ZC3H3: variants seen among roughly 807,000 people sequenced by gnomAD.
ZC3H3 encodes the protein zinc finger CCCH-type containing 3, also known as zinc finger CCCH domain-containing protein 3.
Under a neutral mutation model 77.3 loss-of-function variants are expected in ZC3H3, and 36 were observed. The observed-to-expected ratio is 0.47, with a 90% CI of 0.36 to 0.61. The LOEUF is 0.61. Ranked by LOEUF, ZC3H3 falls within the 20% of genes least tolerant of loss-of-function variation. The pLI is 0.00. For missense variants in ZC3H3, 1,331 were observed against 1,312.2 expected (o/e 1.01, Z -0.22); for synonymous variants, 626 against 555.2 (o/e 1.13, Z -1.79).
At position 143,495,667 on chromosome 8, in the gene ZC3H3, G is replaced by A. The variant is rs116723371; in HGVS notation, c.1715+12079C>T. 7.0e-3 allele frequency among the ~76,000 whole-genome samples: 1,059 copies of A among 152,102 alleles called. 14 individuals carry two copies. The highest frequency in any genetic ancestry group is 0.021 in the African/African-American group (882 of 41,476). On this transcript the variant is annotated intron_variant, in intron 4 of 11. Coordinates refer to ENST00000262577, the MANE Select transcript of ZC3H3 (RefSeq NM_015117.3). ...GTCAGTCAGGGCTCATTGTAACCTC[G>A]ACCTCCTGGGCTCAAGCGATCCTCC...
intron 4 of ZC3H3, among the ~76,000 whole-genome samples, chr8:143,483,144 C>T (rs891957336): frequency 2.6e-5 from 4 of 152,184 alleles, no homozygotes; most frequent in East Asian, 1.9e-4. Context: ...GAGGAGCGGC[C>T]GGGGGGAGGC....
chr8:143,538,083 C>G lies in ZC3H3; in HGVS notation c.1284G>C (p.Lys428Asn), dbSNP rs145387276. ...AGAGCGGGGTCTCCCCAGAGAGGGG[C>G]TTCAAGCCACTGTGTCCTACTGCTG... ...DRPAVGHSGL[K>N]PLSGETPLSA... is the part of the protein sequence containing the mutation. The change falls in exon 2 of 12, where the codon AAG becomes AAC. Residue 428 changes from lysine to asparagine, a missense_variant. Physicochemically the swap from Lys to Asn is moderately conservative, Grantham distance 94 (BLOSUM62 0). Transcript: ENST00000262577. 49 of 1,612,972 alleles carry G rather than the reference C, an allele frequency of 3.0e-5. No homozygotes were observed. The African/African-American group carries it at 4.8e-4, about 16-fold the overall frequency.
chr8:143,499,270 G>C (rs1218630923), intron 4 of ZC3H3, among the ~76,000 whole-genome samples: 1 of 152,114 alleles, frequency 6.6e-6, no homozygotes, highest in African/African-American at 2.4e-5. Flanking sequence ...ACAGAGGGAT[G>C]AGGGGGCCTG....
chr8:143,512,510 C>T (rs1013744385), intron 3 of ZC3H3, among the ~76,000 whole-genome samples: 14 of 152,218 alleles, frequency 9.2e-5, no homozygotes, highest in African/African-American at 1.7e-4. Context: ...GCCCTGAGCA[C>T]GAGGCAGGAG....
At chr8:143,464,660 T>C (rs1052655968) in intron 9 of ZC3H3, among the ~76,000 whole-genome samples, 2 of 151,978 alleles carry the variant, frequency 1.3e-5, no homozygotes, top group Non-Finnish European at 2.9e-5. Flanking sequence ...TGAGAAAGGG[T>C]TCCTGGGGTG....
chr8:143,519,749 C>G (rs766662298), intron 3 of ZC3H3, among the ~76,000 whole-genome samples: 3 of 152,196 alleles, frequency 2.0e-5, no homozygotes, highest in South Asian at 2.1e-4. Context: ...GGGACAACAG[C>G]CTGACCAGAC....
In ZC3H3 at chr8:143,533,060, C is replaced by A. The variant is rs1822671952; in HGVS notation, c.1561+3197G>T. ...CCCGACTCTGCCCACTCGGGCCTGC[C>A]AGACACCCCGGGGCCCTGGACACGC... On this transcript the variant is annotated intron_variant, in intron 3 of 11. Coordinates refer to ENST00000262577, the MANE Select transcript of ZC3H3 (RefSeq NM_015117.3). The surrounding 1 kb of genome is among the most constrained non-coding windows in gnomAD (Gnocchi z 4.0). Among the ~76,000 whole-genome samples, 1 of 152,192 alleles carries A rather than the reference C, an allele frequency of 6.6e-6. No homozygotes were observed. The highest frequency in any genetic ancestry group is 1.5e-5 in the Non-Finnish European group (1 of 68,018).
In ZC3H3 at chr8:143,440,953, C is replaced by G. The variant is rs138077825; in HGVS notation, c.2475G>C (p.Ser825=). The G allele has an allele frequency of 2.6e-5, 38 of 1,436,818 alleles. No individual in the cohort carries two copies. The highest frequency in any genetic ancestry group is 3.3e-5 in the Non-Finnish European group (36 of 1,100,434). 89.0% of individuals were successfully genotyped at this position (1,436,818 alleles called of 1,614,324 possible). Residue 825 remains serine (S), a synonymous_variant, in exon 10 of 12, where the codon TCG becomes TCC. Coordinates refer to ENST00000262577, the MANE Select transcript of ZC3H3 (RefSeq NM_015117.3). ...CCCATCACCTGGGCCCGTGGCTGGC[C>G]GAGACCCTGCTCCTGGCGGTTGCGT... ...PSDATARSRV[S]ASHGPRKPSA... is the part of the protein sequence containing the mutation.
At chr8:143,473,352 C>T (rs902323990) in intron 5 of ZC3H3, among the ~76,000 whole-genome samples, 1 of 152,206 alleles carries the variant, frequency 6.6e-6, no homozygotes, top group African/African-American at 2.4e-5. Context: ...ATGAGAAAGG[C>T]CTCCCTGACC....
In ZC3H3 at chr8:143,484,052, G is replaced by A. The variant is rs1485087924; in HGVS notation, c.1716-8467C>T. On this transcript the variant is annotated intron_variant, in intron 4 of 11. Coordinates refer to ENST00000262577, the MANE Select transcript of ZC3H3 (RefSeq NM_015117.3). Reference sequence around the variant, plus strand: ...CTGCACCAGCGGCCAGGGGCGCCATGAGGGGAAAGAGCCATGCAGCCTTAG... The same window carrying A: ...CTGCACCAGCGGCCAGGGGCGCCATAAGGGGAAAGAGCCATGCAGCCTTAG... 4.6e-5 allele frequency among the ~76,000 whole-genome samples: 7 copies of A among 152,256 alleles called. No homozygotes were observed. In the South Asian group the frequency reaches 1.0e-3, roughly 22 times the overall value.
chr8:143,534,064 A>C (rs1822709726), intron 3 of ZC3H3, among the ~76,000 whole-genome samples: 1 of 151,954 alleles, frequency 6.6e-6, no homozygotes, highest in Non-Finnish European at 1.5e-5. Flanking sequence ...CAGGAGGATC[A>C]CTTGAGCCCA....
chr8:143,521,265 G>C (rs926545003), intron 3 of ZC3H3, among the ~76,000 whole-genome samples: 1 of 152,222 alleles, frequency 6.6e-6, no homozygotes, highest in African/African-American at 2.4e-5. Context: ...CAGGGCTACC[G>C]AGCACACCAA....
intron 9 of ZC3H3, among the ~76,000 whole-genome samples, chr8:143,447,161 C>A (rs1819881155): frequency 6.6e-6 from 1 of 152,236 alleles, no homozygotes; most frequent in Non-Finnish European, 1.5e-5. Flanking sequence ...CTGAGGGGCC[C>A]CTGCCCTACC....
At chr8:143,489,478 C>T (rs1475382806) in intron 4 of ZC3H3, among the ~76,000 whole-genome samples, 5 of 152,116 alleles carry the variant, frequency 3.3e-5, no homozygotes, top group Non-Finnish European at 7.4e-5. Flanking sequence ...CACCGCCTGG[C>T]CCCGCCCACC....
chr8:143,461,570 G>A (rs1039311969), intron 9 of ZC3H3, among the ~76,000 whole-genome samples: 1 of 152,164 alleles, frequency 6.6e-6, no homozygotes, highest in East Asian at 1.9e-4. Context: ...ATTCGAGGCA[G>A]TATTATTCAC....
At chr8:143,490,132 T>G (rs1586917920) in intron 4 of ZC3H3, among the ~76,000 whole-genome samples, 2 of 150,304 alleles carry the variant, frequency 1.3e-5, no homozygotes, top group African/African-American at 2.5e-5. Context: ...GCGGCGGGGG[T>G]GAAGGGGGCC....
chr8:143,535,609 G>A (rs1017628638), intron 3 of ZC3H3, among the ~76,000 whole-genome samples: 19 of 152,188 alleles, frequency 1.2e-4, no homozygotes, highest in East Asian at 7.7e-4. Context: ...CCTGGAGGCC[G>A]CTCCCCCAGT....
chr8:143,464,289 T>A (rs1398054010), intron 9 of ZC3H3, among the ~76,000 whole-genome samples: 1 of 152,354 alleles, frequency 6.6e-6, no homozygotes, highest in South Asian at 2.1e-4. Flanking sequence ...AATCGAAACA[T>A]TTTACAATAA....
At chr8:143,524,822 C>T (rs1231282147) in intron 3 of ZC3H3, among the ~76,000 whole-genome samples, 1 of 152,238 alleles carries the variant, frequency 6.6e-6, no homozygotes, top group Non-Finnish European at 1.5e-5. Context: ...GGGCACCTGC[C>T]AGCCACGCTC....
Sources: allele counts gnomAD v4.1 joint callset (sites outside exome capture counted in the v4.1 genomes callset), GRCh38; gene constraint gnomAD v4.1.1; non-coding constraint Gnocchi (gnomAD v3.1); transcripts MANE v1.5; gene names NCBI Gene and HGNC (gene_info 2026-07-23, HGNC 2026-07-21).